Variants in ANOS1 observed in about 807,000 individuals in gnomAD.
ANOS1 encodes anosmin-1.
In ANOS1, 6 loss-of-function variants were observed where a neutral mutation model predicts 59.0. The ratio of observed to expected loss-of-function variants is 0.10; its 90% confidence interval spans 0.06 to 0.20. The LOEUF (loss-of-function observed/expected upper bound fraction) is 0.20. Among genes scored for constraint, ANOS1 ranks in the 10% least tolerant of loss-of-function variants. ANOS1 has a pLI of 1.00. For synonymous variants in ANOS1, 217 were observed against 223.4 expected, an observed-to-expected ratio of 0.97 and a Z score of 0.25; for missense variants, 433 against 542.3, an observed-to-expected ratio of 0.80 and a Z score of 2.00.
At chrX:8,706,949 G>A (rs1932783364) in intron 1 of ANOS1, among the ~76,000 whole-genome samples, 1 of 111,339 alleles carries the variant, frequency 9.0e-6, no homozygotes, top group African/African-American at 3.3e-5. Context: ...TTCCCATACT[G>A]TCCTTTCTTC....
At chrX:8,696,288 G>A in intron 2 of ANOS1, among the ~76,000 whole-genome samples, 1 of 112,481 alleles carries the variant, frequency 8.9e-6, no homozygotes, top group South Asian at 3.7e-4. Context: ...CCCTTTAAAA[G>A]AGGCATTTTG....
At chrX:8,545,766 C>A (rs943396845) in intron 9 of ANOS1, among the ~76,000 whole-genome samples, 2 of 111,953 alleles carry the variant, frequency 1.8e-5, no homozygotes, top group South Asian at 3.7e-4. Flanking sequence ...AACTCCAAGT[C>A]CAAAAGCAAT....
chrX:8,650,376 T>G (rs1056429577), intron 2 of ANOS1, among the ~76,000 whole-genome samples: 5 of 112,027 alleles, frequency 4.5e-5, no homozygotes, highest in African/African-American at 1.6e-4. Context: ...AGCTAGAAGA[T>G]GGGTTAAATA....
intron 1 of ANOS1, among the ~76,000 whole-genome samples, chrX:8,713,902 C>T (rs966372456): frequency 8.9e-6 from 1 of 111,950 alleles, no homozygotes; most frequent in Non-Finnish European, 1.9e-5. Flanking sequence ...CATGAGCCAC[C>T]GTGTCCGGCC....
rs1929512845 is a variant in ANOS1, at chrX:8,532,291, T to G, written c.*704A>C. On this transcript the variant is annotated 3_prime_UTR_variant, in exon 14 of 14. Transcript: ENST00000262648. ...AAAAGGCATCCCCAAGAAATAATTT[T>G]CATTTCTCCAAGGTAAAATCTGATT... The G allele has an allele frequency of 8.9e-6, 1 of 112,175 alleles. No homozygotes were observed. The highest frequency in any genetic ancestry group is 3.2e-5 in the African/African-American group (1 of 30,909). The allele number at this position is 112,175 out of a possible 1,213,427, so 9.2% of individuals were successfully genotyped here.
chrX:8,727,465 G>C (rs1422696225), intron 1 of ANOS1, among the ~76,000 whole-genome samples: 2 of 112,355 alleles, frequency 1.8e-5, no homozygotes, highest in African/African-American at 6.5e-5. Context: ...TGGTGTGTTT[G>C]GTGGGTGGCC....
chrX:8,669,307 C>T (rs943433885), intron 2 of ANOS1, among the ~76,000 whole-genome samples: 2 of 111,877 alleles, frequency 1.8e-5, no homozygotes, highest in African/African-American at 6.5e-5. Flanking sequence ...AAGGTGGATG[C>T]ATGACTTTAT....
rs780897155 is a variant in ANOS1, at chrX:8,532,982, C to A, written c.*13G>T. Reference sequence around the variant, plus strand: ...ACACATCTGTGCAATTTCACAAAATCTTTTTGAACAGTTTAGTATCTTTCT... The same window carrying A: ...ACACATCTGTGCAATTTCACAAAATATTTTTGAACAGTTTAGTATCTTTCT... On this transcript the variant is annotated 3_prime_UTR_variant, in exon 14 of 14. Coordinates refer to ENST00000262648, the MANE Select transcript of ANOS1 (RefSeq NM_000216.4). The A allele has an allele frequency of 1.8e-6, 2 of 1,099,023 alleles. No homozygotes were observed. Among genetic ancestry groups the A allele is most frequent in the South Asian group, 1.8e-5 (1 of 54,416 alleles). 90.6% of individuals were successfully genotyped at this position (1,099,023 alleles called of 1,213,427 possible). A position where few individuals can be genotyped will look rare whatever the true frequency, so the allele number is the denominator to read the frequency against.
At chrX:8,717,375 T>C (rs1402919033) in intron 1 of ANOS1, among the ~76,000 whole-genome samples, 1 of 111,987 alleles carries the variant, frequency 8.9e-6, no homozygotes, top group African/African-American at 3.2e-5. Context: ...TTTCTGGTGA[T>C]TGTGATACAT....
chrX:8,627,540 A>T (rs2146849544), intron 2 of ANOS1, among the ~76,000 whole-genome samples: 1 of 112,266 alleles, frequency 8.9e-6, no homozygotes, highest in African/African-American at 3.2e-5. Context: ...TTCCTGCTTC[A>T]GATCCAGTAA....
intron 6 of ANOS1, among the ~76,000 whole-genome samples, chrX:8,575,397 TAAG>T (rs1403730426): frequency 2.7e-5 from 3 of 111,932 alleles, no homozygotes; most frequent in Non-Finnish European, 5.6e-5. Flanking sequence ...ATGCTGAAAA[TAAG>T]TAGTCACATG....
At chrX:8,679,438 C>T (rs188165280) in intron 2 of ANOS1, among the ~76,000 whole-genome samples, 140 of 109,515 alleles carry the variant, frequency 1.3e-3, no homozygotes, top group Middle Eastern at 4.7e-3. Flanking sequence ...ACAAGAGTCC[C>T]TATAAGTAGG....
At chrX:8,536,183 C>T (rs1440256510) in intron 11 of ANOS1, among the ~76,000 whole-genome samples, 7 of 53,952 alleles carry the variant, frequency 1.3e-4, no homozygotes, top group Non-Finnish European at 3.0e-4. Context: ...TTATTAAATC[C>T]GAAGCTTTTT....
intron 2 of ANOS1, among the ~76,000 whole-genome samples, chrX:8,692,185 AT>A (rs1464286209): frequency 1.8e-5 from 2 of 111,771 alleles, no homozygotes; most frequent in Non-Finnish European, 3.8e-5. Flanking sequence ...TGGAAAAAAA[AT>A]AAGTAAAATA....
intron 3 of ANOS1, among the ~76,000 whole-genome samples, chrX:8,608,329 A>G (rs1372959396): frequency 2.7e-5 from 3 of 111,744 alleles, no homozygotes; most frequent in Non-Finnish European, 3.8e-5. Flanking sequence ...TTAATTATAG[A>G]TGGCCTAAAA....
Position 8,583,111 on chromosome X carries a change from A to G in ANOS1, c.856+2156T>C, listed in dbSNP as rs1233792813. ...TCATTTGTCGATCACTGTGACTGCTATGCTTTTGGCCTTTTTTTTTTTTTT... is the reference window on the plus strand; with the variant it reads ...TCATTTGTCGATCACTGTGACTGCTGTGCTTTTGGCCTTTTTTTTTTTTTT... On this transcript the variant is annotated intron_variant, in intron 6 of 13. Transcript: ENST00000262648. Among the ~76,000 whole-genome samples, 3 of 99,163 alleles carry G rather than the reference A, an allele frequency of 3.0e-5. No individual in the cohort carries two copies. The East Asian group carries it at 9.3e-4, about 31-fold the overall frequency. 86.1% of individuals were successfully genotyped at this position (99,163 alleles called of 115,157 possible).
Position 8,725,539 on chromosome X carries a change from T to C in ANOS1, c.207+6291A>G, listed in dbSNP as rs908348343. Among the ~76,000 whole-genome samples the C allele has an allele frequency of 2.2e-4, 22 of 99,980 alleles. 1 individual carries two copies. The highest frequency in any genetic ancestry group is 8.0e-4 in the African/African-American group (22 of 27,602). The allele number at this position is 99,980 out of a possible 115,157, so 86.8% of individuals were successfully genotyped here. A position where few individuals can be genotyped will look rare whatever the true frequency, so the allele number is the denominator to read the frequency against. ...ATACAGATATATATATATATACAGA[T>C]ATATATATACAGATATATATATACA... is the stretch of plus-strand genomic sequence containing the variant. On this transcript the variant is annotated intron_variant, in intron 1 of 13. Coordinates refer to ENST00000262648, the MANE Select transcript of ANOS1 (RefSeq NM_000216.4).
intron 10 of ANOS1, among the ~76,000 whole-genome samples, chrX:8,538,761 T>C (rs2059891759): frequency 8.9e-6 from 1 of 112,380 alleles, no homozygotes; most frequent in South Asian, 3.7e-4. Flanking sequence ...TTGCTGAACA[T>C]GAGACAAATT....
intron 2 of ANOS1, among the ~76,000 whole-genome samples, chrX:8,678,907 A>G (rs1932377574): frequency 8.9e-6 from 1 of 111,789 alleles, no homozygotes; most frequent in Non-Finnish European, 1.9e-5. Flanking sequence ...ACAGACACAT[A>G]AACAAGTTAC....
Sources: gnomAD v4.1 joint callset for allele counts (sites outside exome capture counted in the v4.1 genomes callset) on GRCh38, gnomAD v4.1.1 for gene constraint, MANE v1.5 for transcripts, NCBI Gene and HGNC (gene_info 2026-07-23, HGNC 2026-07-21) for gene names.